Variants in AGBL1 observed in about 807,000 individuals in gnomAD.
AGBL1 encodes cytosolic carboxypeptidase 4.
In AGBL1, 130 loss-of-function variants were observed where a neutral mutation model predicts 118.9. The observed-to-expected ratio is 1.09, with a 90% confidence interval of 0.95 to 1.26. The LOEUF (loss-of-function observed/expected upper bound fraction) is 1.26. AGBL1 is among the 50% of genes most tolerant of loss of function. AGBL1 has a pLI of 0.00. For missense variants in AGBL1, 1,584 were observed against 1,298.1 expected (o/e 1.22, Z -3.38); for synonymous variants, 555 against 478.9 (o/e 1.16, Z -2.08).
Position 86,196,880 on chromosome 15 carries a change from C to CGCGCGG in AGBL1, c.489-28034_489-28033insGCGCGG. Among the ~76,000 whole-genome samples the CGCGCGG allele has an allele frequency of 1.2e-4, 3 of 25,926 alleles. No individual in the cohort carries two copies. The Middle Eastern group carries it at 0.071, about 617-fold the overall frequency. The allele number at this position is 25,926 out of a possible 152,430, so 17.0% of individuals were successfully genotyped here. Reference sequence around the variant, plus strand: ...GAATGTGCACATGTGCGCGCGCGCGCACACACACACACACACACACACACA... The same window carrying CGCGCGG: ...GAATGTGCACATGTGCGCGCGCGCGCGCGCGGACACACACACACACACACACACACA... On this transcript the variant is annotated intron_variant, in intron 5 of 22. Coordinates refer to ENST00000614907, the MANE Select transcript of AGBL1 (RefSeq NM_001386094.1).
chr15:86,468,645 A>C (rs965404351), intron 18 of AGBL1, among the ~76,000 whole-genome samples: 5 of 152,168 alleles, frequency 3.3e-5, no homozygotes, highest in Non-Finnish European at 7.3e-5. Flanking sequence ...TGGACTAAAC[A>C]CTGACTAATA....
chr15:86,479,762 G>A (rs2082623242), intron 18 of AGBL1, among the ~76,000 whole-genome samples: 1 of 152,134 alleles, frequency 6.6e-6, no homozygotes, highest in Admixed American at 6.5e-5. Flanking sequence ...TATAAATCAT[G>A]CTGCTATAAA....
intron 22 of AGBL1, among the ~76,000 whole-genome samples, chr15:86,885,229 T>C (rs543014067): frequency 6.6e-6 from 1 of 152,298 alleles, no homozygotes; most frequent in East Asian, 1.9e-4. Flanking sequence ...TAACATATTA[T>C]GCATTATCTT....
Position 86,316,621 on chromosome 15 carries a change from C to T in AGBL1, c.2374+21213C>T, listed in dbSNP as rs551149126. On this transcript the variant is annotated intron_variant, in intron 17 of 22. Transcript: ENST00000614907. The stretch of plus-strand genomic sequence containing the variant: ...CTTTCTGCAGGCCACCGAAATAATG[C>T]TCTTCCTGTCTGACTAGATTTTATC... 4 of 152,376 alleles carry T rather than the reference C, an allele frequency of 2.6e-5. No individual in the cohort carries two copies. The South Asian group carries it at 8.3e-4, about 32-fold the overall frequency. 9.4% of individuals were successfully genotyped at this position (152,376 alleles called of 1,614,324 possible).
intron 21 of AGBL1, among the ~76,000 whole-genome samples, chr15:86,619,027 TTTCGTAGGCCCTTCTGTAA>T (rs1163187145): frequency 6.6e-6 from 1 of 152,010 alleles, no homozygotes; most frequent in Non-Finnish European, 1.5e-5. Context: ...GTTCAGAAAA[TTTCGTAGGCCCTTCTGTAA>T]TGAGGACCCT....
intron 5 of AGBL1, among the ~76,000 whole-genome samples, chr15:86,163,549 G>T (rs1035696192): frequency 6.6e-6 from 1 of 152,074 alleles, no homozygotes; most frequent in Non-Finnish European, 1.5e-5. Context: ...CCAACGTGAT[G>T]AAACCCTATC....
chr15:86,710,753 TAGAA>T (rs1199556110), intron 22 of AGBL1, among the ~76,000 whole-genome samples: 1 of 152,168 alleles, frequency 6.6e-6, no homozygotes, highest in Non-Finnish European at 1.5e-5. Context: ...GTTGAAGATC[TAGAA>T]AGAAACATAG....
At chr15:86,628,303 A>G (rs2084917849) in intron 21 of AGBL1, among the ~76,000 whole-genome samples, 1 of 152,156 alleles carries the variant, frequency 6.6e-6, no homozygotes, top group African/African-American at 2.4e-5. Flanking sequence ...TAGGCATGTG[A>G]AAATATCCCT....
chr15:86,174,739 A>G (rs966275848), intron 5 of AGBL1, among the ~76,000 whole-genome samples: 1 of 152,048 alleles, frequency 6.6e-6, no homozygotes, highest in African/African-American at 2.4e-5. Context: ...CCTTTTCTAC[A>G]TCTTTTGGGA....
At chr15:86,465,083 G>A (rs1032888264) in intron 18 of AGBL1, among the ~76,000 whole-genome samples, 2 of 152,202 alleles carry the variant, frequency 1.3e-5, no homozygotes, top group African/African-American at 4.8e-5. Context: ...CAGGGAATCC[G>A]AACGGAGGGA....
rs532885853 is a variant in AGBL1, at chr15:86,314,320, A to AT, written c.2374+18918dup. On this transcript the variant is annotated intron_variant, in intron 17 of 22. Transcript: ENST00000614907. Reference sequence around the variant, plus strand: ...TTCATTTGCCTAGTTCTGTTTAGTTATTTTTTCTGGCTAGTAAGATCTTCC... The same window carrying AT: ...TTCATTTGCCTAGTTCTGTTTAGTTATTTTTTTCTGGCTAGTAAGATCTTCC... 8.6e-5 allele frequency among the ~76,000 whole-genome samples: 13 copies of AT among 152,000 alleles called. No homozygotes were observed. In the South Asian group the frequency reaches 2.5e-3, roughly 29 times the overall value.
intron 22 of AGBL1, among the ~76,000 whole-genome samples, chr15:86,697,704 A>G (rs1430378444): frequency 6.6e-6 from 1 of 151,514 alleles, no homozygotes; most frequent in Non-Finnish European, 1.5e-5. Context: ...GTTCCTTTTC[A>G]TTTGGGTGGG....
intron 18 of AGBL1, among the ~76,000 whole-genome samples, chr15:86,514,642 C>T (rs949393069): frequency 6.6e-6 from 1 of 151,966 alleles, no homozygotes; most frequent in Admixed American, 6.6e-5. Context: ...TGAAATTAGA[C>T]AAAAATATAT....
At chr15:86,665,247 G>A (rs900112086) in intron 21 of AGBL1, among the ~76,000 whole-genome samples, 3 of 152,042 alleles carry the variant, frequency 2.0e-5, no homozygotes, top group Non-Finnish European at 4.4e-5. Flanking sequence ...CTCATTTTAC[G>A]ATTATTTCCT....
chr15:86,987,439 C>G (rs935169591), intron 23 of AGBL1, among the ~76,000 whole-genome samples: 2 of 152,178 alleles, frequency 1.3e-5, no homozygotes, highest in Non-Finnish European at 2.9e-5. Flanking sequence ...GATTTATCAA[C>G]TACAAATAAG....
intron 24 of AGBL1, among the ~76,000 whole-genome samples, chr15:87,019,691 C>T (rs1304485112): frequency 6.6e-6 from 1 of 151,896 alleles, no homozygotes; most frequent in African/African-American, 2.4e-5. Context: ...AAGTTAACAA[C>T]CTAACATCAC....
At chr15:86,169,288 A>T (rs2077383332) in intron 5 of AGBL1, among the ~76,000 whole-genome samples, 2 of 152,350 alleles carry the variant, frequency 1.3e-5, no homozygotes, top group Non-Finnish European at 1.5e-5. Flanking sequence ...CTGGATATGC[A>T]AGCGTACTTA....
chr15:86,246,464 G>A lies in AGBL1; in HGVS notation c.527-1207G>A, dbSNP rs569534755. ...GCGTTATCTGTCAGGCTTTCCTGCA[G>A]GGGTTATGGACTGGGCAGTTTAAAG... On this transcript the variant is annotated intron_variant, in intron 6 of 22. Coordinates refer to ENST00000614907, the MANE Select transcript of AGBL1 (RefSeq NM_001386094.1). 9.8e-5 allele frequency among the ~76,000 whole-genome samples: 15 copies of A among 152,318 alleles called. No homozygotes were observed. The East Asian group carries it at 2.7e-3, about 27-fold the overall frequency.
intron 5 of AGBL1, among the ~76,000 whole-genome samples, chr15:86,167,262 T>G (rs77683517): frequency 6.6e-6 from 1 of 151,722 alleles, no homozygotes; most frequent in African/African-American, 2.4e-5. Context: ...TTTTTTTTTT[T>G]TGAGATCAAG....
Sources: gnomAD v4.1 joint callset for allele counts (sites outside exome capture counted in the v4.1 genomes callset) on GRCh38, gnomAD v4.1.1 for gene constraint, MANE v1.5 for transcripts, NCBI Gene and HGNC (gene_info 2026-07-23, HGNC 2026-07-21) for gene names.